Variants in SYT9 observed in about 807,000 individuals in gnomAD.
SYT9 encodes synaptotagmin 9.
In SYT9, 22 loss-of-function variants were observed where a neutral mutation model predicts 48.4. The ratio of observed to expected loss-of-function variants is 0.45; its 90% CI spans 0.32 to 0.65. The LOEUF (loss-of-function observed/expected upper bound fraction) is 0.65, where lower values mean the gene tolerates loss of function less well. Ranked by LOEUF, SYT9 falls within the 30% of genes least tolerant of loss-of-function variation. The probability of loss-of-function intolerance (pLI) is 0.03; values close to 1 mark genes in which losing one functional copy is unlikely to be tolerated. For synonymous variants in SYT9, 265 were observed against 245.0 expected (o/e 1.08, Z -0.76); for missense variants, 577 against 622.0 (o/e 0.93, Z 0.77).
intron 3 of SYT9, among the ~76,000 whole-genome samples, chr11:7,364,685 G>A (rs1466895537): frequency 6.6e-6 from 1 of 152,112 alleles, no homozygotes; most frequent in Non-Finnish European, 1.5e-5. Context: ...CTCTTCATTG[G>A]CCTTATTACA....
chr11:7,406,535 CATATATATATATATATATAT>C (rs57371051), intron 3 of SYT9, among the ~76,000 whole-genome samples: 1 of 135,354 alleles, frequency 7.4e-6, no homozygotes, highest in African/African-American at 2.8e-5. Context: ...TTCAATTGCG[CATATATATATATATATATAT>C]ATATATATAT....
At chr11:7,277,676 A>T (rs1336320745) in intron 1 of SYT9, among the ~76,000 whole-genome samples, 1 of 152,230 alleles carries the variant, frequency 6.6e-6, no homozygotes, top group Non-Finnish European at 1.5e-5. Context: ...GTGTATGCCT[A>T]GTTGAAACTT....
rs767134472 is a variant in SYT9 at position 7,466,811 on chromosome 11, G to A, written c.*11G>A. 9.3e-6 allele frequency: 15 copies of A among 1,612,964 alleles called. No individual in the cohort carries two copies. Among genetic ancestry groups the A allele is most frequent in the Non-Finnish European group, 1.3e-5 (15 of 1,179,802 alleles). On this transcript the variant is annotated 3_prime_UTR_variant, in exon 7 of 7. Coordinates refer to ENST00000318881, the MANE Select transcript of SYT9 (RefSeq NM_175733.4). ...CTGCAGAAACGATGACCATGGGTAAGAGGACTGCTTGTGCCAAGGACAAAA... is the reference window on the plus strand; with the variant it reads ...CTGCAGAAACGATGACCATGGGTAAAAGGACTGCTTGTGCCAAGGACAAAA...
intron 1 of SYT9, among the ~76,000 whole-genome samples, chr11:7,288,397 A>G (rs955484026): frequency 2.0e-5 from 3 of 150,666 alleles, no homozygotes; most frequent in Non-Finnish European, 4.4e-5. Flanking sequence ...TTTCTGTTCC[A>G]TTTATTATTA....
chr11:7,461,946 C>T (rs1848243854), intron 6 of SYT9, among the ~76,000 whole-genome samples: 1 of 152,200 alleles, frequency 6.6e-6, no homozygotes, highest in African/African-American at 2.4e-5. Flanking sequence ...CAGTAAATAA[C>T]AATCTACATG....
At chr11:7,388,946 C>T (rs1850711090) in intron 3 of SYT9, among the ~76,000 whole-genome samples, 1 of 152,022 alleles carries the variant, frequency 6.6e-6, no homozygotes, top group Non-Finnish European at 1.5e-5. Context: ...GCATATGGAC[C>T]ACAACCACAT....
chr11:7,292,444 G>A (rs1158140586), intron 1 of SYT9, among the ~76,000 whole-genome samples: 1 of 152,174 alleles, frequency 6.6e-6, no homozygotes, highest in Non-Finnish European at 1.5e-5. Context: ...CATTGTAAAG[G>A]TGAGAAATGG....
At chr11:7,308,379 G>C (rs1849070270) in intron 2 of SYT9, among the ~76,000 whole-genome samples, 1 of 152,172 alleles carries the variant, frequency 6.6e-6, no homozygotes. Flanking sequence ...GGGTGCACTT[G>C]TTCATGGCTT....
intron 3 of SYT9, among the ~76,000 whole-genome samples, chr11:7,364,687 C>T (rs557092964): frequency 1.3e-5 from 2 of 152,240 alleles, no homozygotes; most frequent in East Asian, 3.9e-4. Context: ...CTTCATTGGC[C>T]TTATTACAGT....
intron 1 of SYT9, among the ~76,000 whole-genome samples, chr11:7,270,872 CAT>C (rs1491575241): frequency 2.2e-5 from 3 of 138,182 alleles, no homozygotes; most frequent in African/African-American, 8.0e-5. Flanking sequence ...CACACACACA[CAT>C]AATGTGGAGA....
At chr11:7,319,515 C>A (rs74053711) in intron 3 of SYT9, among the ~76,000 whole-genome samples, 3,279 of 152,152 alleles carry the variant, frequency 0.022, 139 homozygotes, top group African/African-American at 0.076. Context: ...ATAACACTAG[C>A]TCAGTGGTAA....
intron 1 of SYT9, 108 bp from the exon 2 acceptor site, chr11:7,302,931 T>C (rs1848950375): frequency 9.9e-7 from 1 of 1,008,956 alleles, no homozygotes; most frequent in African/African-American, 1.6e-5. Context: ...CCTTCCGCAG[T>C]CGGCTCCCAA....
intron 1 of SYT9, among the ~76,000 whole-genome samples, chr11:7,292,776 G>A (rs1848716967): frequency 6.6e-6 from 1 of 152,208 alleles, no homozygotes; most frequent in Non-Finnish European, 1.5e-5. Flanking sequence ...ATCCAATGGT[G>A]TAGAAAACAT....
upstream of SYT9, among the ~76,000 whole-genome samples, chr11:7,249,130 T>G (rs1170874974): frequency 6.6e-6 from 1 of 152,170 alleles, no homozygotes; most frequent in Non-Finnish European, 1.5e-5. Context: ...TTAAGTCCTA[T>G]CTCCAAATAC....
At chr11:7,239,398 G>A (rs985062674) in intron 1 of SYT9, among the ~76,000 whole-genome samples, 1 of 152,106 alleles carries the variant, frequency 6.6e-6, no homozygotes, top group African/African-American at 2.4e-5. Flanking sequence ...ACCTTATTCA[G>A]TAGCCCTCTA....
chr11:7,348,071 T>C (rs190221542), intron 3 of SYT9, among the ~76,000 whole-genome samples: 2 of 152,358 alleles, frequency 1.3e-5, no homozygotes, highest in East Asian at 3.9e-4. Context: ...TATTAATTCA[T>C]GCTTTCAGAA....
At chr11:7,262,185 G>A (rs927664966) in intron 1 of SYT9, among the ~76,000 whole-genome samples, 18 of 152,176 alleles carry the variant, frequency 1.2e-4, no homozygotes, top group African/African-American at 4.3e-4. Context: ...GATATTGAGT[G>A]TGAAAGACAG....
At chr11:7,352,320 C>T (rs1849932859) in intron 3 of SYT9, among the ~76,000 whole-genome samples, 1 of 152,166 alleles carries the variant, frequency 6.6e-6, no homozygotes, top group Non-Finnish European at 1.5e-5. Context: ...AGATAAATGT[C>T]TCTCCAGCAA....
chr11:7,460,322 T>G (rs1240256073), intron 6 of SYT9, among the ~76,000 whole-genome samples: 2 of 152,204 alleles, frequency 1.3e-5, no homozygotes, highest in African/African-American at 4.8e-5. Flanking sequence ...TTAATCAAAT[T>G]CTCTTAAATA....
Sources: allele counts gnomAD v4.1 joint callset (sites outside exome capture counted in the v4.1 genomes callset), GRCh38; gene constraint gnomAD v4.1.1; transcripts MANE v1.5; gene names NCBI Gene and HGNC (gene_info 2026-07-23, HGNC 2026-07-21).